Variants in CDH18 observed in about 807,000 individuals in gnomAD.
CDH18 encodes cadherin 18.
In CDH18, 31 loss-of-function variants were observed where a neutral mutation model predicts 67.9. The ratio of observed to expected loss-of-function variants is 0.46; its 90% CI spans 0.34 to 0.62. The LOEUF is 0.62. CDH18 is among the 20% of genes least tolerant of loss of function. The pLI is 0.01. For missense variants in CDH18, 890 were observed against 975.5 expected, an observed-to-expected ratio of 0.91 and a Z score of 1.17; for synonymous variants, 362 against 347.2, an observed-to-expected ratio of 1.04 and a Z score of -0.48.
intron 2 of CDH18, among the ~76,000 whole-genome samples, chr5:20,066,780 G>T (rs1743014759): frequency 6.6e-6 from 1 of 151,676 alleles, no homozygotes; most frequent in Non-Finnish European, 1.5e-5. Flanking sequence ...TTCTGACTGG[G>T]GCAAGAAATT....
Position 19,473,025 on chromosome 5 carries a change from A to C in CDH18, c.*201T>G. 1.9e-6 allele frequency: 1 copy of C among 531,274 alleles called. No homozygotes were observed. Among genetic ancestry groups the C allele is most frequent in the Non-Finnish European group, 3.2e-6 (1 of 312,774 alleles). 32.9% of individuals were successfully genotyped at this position (531,274 alleles called of 1,614,324 possible). On this transcript the variant is annotated 3_prime_UTR_variant, in exon 13 of 13. Coordinates refer to ENST00000382275, the MANE Select transcript of CDH18 (RefSeq NM_004934.5). ...CAAGGAACAATAACTTTTTCTTTGT[A>C]TTGTCTTTTTTTTTTTTTTTTTACT...
At chr5:19,537,053 A>G (rs1204402220) in intron 9 of CDH18, among the ~76,000 whole-genome samples, 1 of 152,202 alleles carries the variant, frequency 6.6e-6, no homozygotes, top group Non-Finnish European at 1.5e-5. Context: ...GAGTGCTCAG[A>G]TATGTATAGT....
At chr5:19,964,481 C>T (rs1290786932) in intron 2 of CDH18, among the ~76,000 whole-genome samples, 2 of 149,592 alleles carry the variant, frequency 1.3e-5, no homozygotes, top group African/African-American at 4.9e-5. Context: ...GCCTGTAGTC[C>T]CAGCTACTTG....
At chr5:19,867,281 G>A (rs1287808684) in intron 2 of CDH18, among the ~76,000 whole-genome samples, 2 of 152,196 alleles carry the variant, frequency 1.3e-5, no homozygotes, top group African/African-American at 4.8e-5. Context: ...CCTTTAGGAG[G>A]AACTAAATCT....
chr5:19,493,439 G>T (rs1741793445), intron 11 of CDH18, among the ~76,000 whole-genome samples: 1 of 152,074 alleles, frequency 6.6e-6, no homozygotes, highest in African/African-American at 2.4e-5. Flanking sequence ...TTCTTTCCAA[G>T]GAACATAAGG....
At chr5:20,208,687 A>C (rs1740109622) in intron 2 of CDH18, among the ~76,000 whole-genome samples, 1 of 152,238 alleles carries the variant, frequency 6.6e-6, no homozygotes, top group African/African-American at 2.4e-5. Context: ...TAAAATCTCA[A>C]AAGCACAGAG....
At chr5:20,448,752 G>A (rs957443487) in intron 1 of CDH18, among the ~76,000 whole-genome samples, 5 of 152,122 alleles carry the variant, frequency 3.3e-5, no homozygotes, top group African/African-American at 1.2e-4. Flanking sequence ...GACGTCTGCA[G>A]GTGGTGGGAA....
chr5:20,376,305 G>T (rs1055880292), intron 1 of CDH18, among the ~76,000 whole-genome samples: 4 of 151,250 alleles, frequency 2.6e-5, no homozygotes, highest in Admixed American at 1.3e-4. Context: ...AGCCAGGATG[G>T]TCTCGATTTC....
intron 2 of CDH18, among the ~76,000 whole-genome samples, chr5:20,194,659 T>TG (rs1018264674): frequency 1.5e-5 from 1 of 65,562 alleles, no homozygotes; most frequent in African/African-American, 1.6e-4. Context: ...TTTGAAGTAA[T>TG]TTTTTTTTTT....
At chr5:19,781,533 A>T (rs1775111900) in intron 3 of CDH18, among the ~76,000 whole-genome samples, 1 of 152,190 alleles carries the variant, frequency 6.6e-6, no homozygotes, top group Non-Finnish European at 1.5e-5. Context: ...TAAGAGTTAA[A>T]ATTATTGAGG....
chr5:19,709,939 A>G (rs1435430681), intron 5 of CDH18, among the ~76,000 whole-genome samples: 3 of 152,164 alleles, frequency 2.0e-5, no homozygotes, highest in African/African-American at 4.8e-5. Flanking sequence ...GTTCAAGACC[A>G]GCCTGGCCAA....
chr5:20,410,344 T>C (rs539890459), intron 1 of CDH18, among the ~76,000 whole-genome samples: 82 of 151,948 alleles, frequency 5.4e-4, no homozygotes, highest in Non-Finnish European at 9.0e-4. Context: ...AAAAATTAAT[T>C]AGTCTAATAG....
rs146723069 is a variant in CDH18, at chr5:20,014,102, T to C, written c.-517-22088A>G. Among the ~76,000 whole-genome samples the C allele has an allele frequency of 3.0e-3, 457 of 152,242 alleles. 3 individuals carry two copies. The highest frequency in any genetic ancestry group is 0.01 in the African/African-American group (427 of 41,560). ...AATAAGAATAGGCATTCCCCAAATA[T>C]GACAGAGAGGCATAGAGGTACTGCT... is the stretch of plus-strand genomic sequence containing the variant. On this transcript the variant is annotated intron_variant, in intron 2 of 14. Transcript: ENST00000507958.
chr5:19,595,825 T>G (rs1029672593), intron 6 of CDH18, among the ~76,000 whole-genome samples: 1 of 152,204 alleles, frequency 6.6e-6, no homozygotes, highest in African/African-American at 2.4e-5. Context: ...AAGAAAGACA[T>G]TAGCTTTTAG....
intron 3 of CDH18, among the ~76,000 whole-genome samples, chr5:19,799,075 T>C (rs1172822132): frequency 6.6e-6 from 1 of 152,070 alleles, no homozygotes; most frequent in Non-Finnish European, 1.5e-5. Flanking sequence ...TATCTCTTCA[T>C]GATGCTGATG....
chr5:19,563,234 T>A (rs1561354365), intron 8 of CDH18, among the ~76,000 whole-genome samples: 2 of 152,160 alleles, frequency 1.3e-5, no homozygotes, highest in Non-Finnish European at 2.9e-5. Context: ...AAAAAGAAAG[T>A]TTTCAGAGTA....
intron 2 of CDH18, among the ~76,000 whole-genome samples, chr5:19,880,331 A>G (rs933691903): frequency 2.6e-5 from 4 of 152,092 alleles, no homozygotes; most frequent in African/African-American, 7.2e-5. Context: ...CTTCCAAACA[A>G]CAAATACCAT....
Position 20,189,857 on chromosome 5 carries a change from T to C in CDH18, c.-518+65587A>G, listed in dbSNP as rs563648791. Among the ~76,000 whole-genome samples, 32 of 152,274 alleles carry C rather than the reference T, an allele frequency of 2.1e-4. 1 individual carries two copies. The South Asian group carries it at 6.6e-3, about 32-fold the overall frequency. Reference sequence around the variant, plus strand: ...TTGTTGTCTCTGATCTCCAAGTCCATCTTCTATTCACTATTCTTTATTACT... The same window carrying C: ...TTGTTGTCTCTGATCTCCAAGTCCACCTTCTATTCACTATTCTTTATTACT... On this transcript the variant is annotated intron_variant, in intron 2 of 14. Coordinates refer to the CDH18 transcript ENST00000507958.
intron 10 of CDH18, among the ~76,000 whole-genome samples, chr5:19,506,215 G>A (rs949585300): frequency 3.3e-5 from 5 of 152,114 alleles, no homozygotes; most frequent in East Asian, 3.9e-4. Context: ...CATGAAAGAC[G>A]TCTTAAAGGA....
Sources: allele counts gnomAD v4.1 joint callset (sites outside exome capture counted in the v4.1 genomes callset), GRCh38; gene constraint gnomAD v4.1.1; transcripts MANE v1.5; gene names NCBI Gene and HGNC (gene_info 2026-07-23, HGNC 2026-07-21).